The following TRIM14 variants were observed in gnomAD, a reference collection of about 807,000 sequenced individuals.
TRIM14 encodes tripartite motif-containing protein 14.
Under a neutral mutation model 44.5 loss-of-function variants are expected in TRIM14, and 28 were observed. The ratio of observed to expected loss-of-function variants is 0.63; its 90% confidence interval spans 0.47 to 0.86. The LOEUF (loss-of-function observed/expected upper bound fraction) is 0.86. Ranked by LOEUF, TRIM14 falls within the 40% of genes least tolerant of loss-of-function variation. The probability of loss-of-function intolerance (pLI) is 0.00; values close to 1 mark genes in which losing one functional copy is unlikely to be tolerated. For missense variants in TRIM14, 607 were observed against 611.1 expected, an observed-to-expected ratio of 0.99 and a Z score of 0.07; for synonymous variants, 299 against 269.2, an observed-to-expected ratio of 1.11 and a Z score of -1.08.
At chr9:98,057,001 G>A in the TRIM14 span, 4 of 1,489,830 alleles carry the variant, frequency 2.7e-6, no homozygotes, top group African/African-American at 2.9e-5. Flanking sequence ...GCGGGGCCGC[G>A]GGGAGCCAGG....
At chr9:98,101,845 C>CA (rs1383794521) in intron 2 of TRIM14, among the ~76,000 whole-genome samples, 6 of 151,914 alleles carry the variant, frequency 3.9e-5, no homozygotes, top group African/African-American at 1.5e-4. Context: ...AGCTTCTACA[C>CA]ATAGAGAATA....
chr9:98,039,949 C>A, the TRIM14 span, among the ~76,000 whole-genome samples: 1 of 152,102 alleles, frequency 6.6e-6, no homozygotes, highest in Non-Finnish European at 1.5e-5. Context: ...TGTCTAGCAG[C>A]GGGTAAGGTG....
chr9:98,076,131 C>T (rs1239551848), intron 6 of TRIM14: 1 of 152,174 alleles, frequency 6.6e-6, no homozygotes, highest in East Asian at 1.9e-4. Flanking sequence ...TGGGCCCTGC[C>T]AGCCATGGAT....
At chr9:98,048,920 C>A in the TRIM14 span, among the ~76,000 whole-genome samples, 5 of 150,852 alleles carry the variant, frequency 3.3e-5, no homozygotes, top group Non-Finnish European at 5.9e-5. Flanking sequence ...ACCTGGGAGG[C>A]GAGACAGGAG....
the TRIM14 span, among the ~76,000 whole-genome samples, chr9:98,046,743 T>C: frequency 6.6e-6 from 1 of 152,296 alleles, no homozygotes; most frequent in South Asian, 2.1e-4. Flanking sequence ...CCAGCTGATA[T>C]GCAGAAGAGT....
chr9:98,108,879 C>CTT (rs5899334), intron 2 of TRIM14, among the ~76,000 whole-genome samples: 10,332 of 120,156 alleles, frequency 0.086, 1,555 homozygotes, highest in African/African-American at 0.3. Flanking sequence ...TCAGGGGTTC[C>CTT]TTTTTTTTTT....
chr9:98,057,652 A>G, the TRIM14 span, among the ~76,000 whole-genome samples: 1 of 152,054 alleles, frequency 6.6e-6, no homozygotes, highest in Non-Finnish European at 1.5e-5. Flanking sequence ...GAGTCGGTAA[A>G]TGCGTGCTCC....
At chr9:98,074,009 C>T (rs1188779721) in intron 6 of TRIM14, among the ~76,000 whole-genome samples, 1 of 151,724 alleles carries the variant, frequency 6.6e-6, no homozygotes, top group Non-Finnish European at 1.5e-5. Flanking sequence ...TGGTGTCAAA[C>T]TCCTGGGCTA....
At chr9:98,084,210 C>G (rs1336124999), downstream of TRIM14, 1 of 152,064 alleles carries the variant, frequency 6.6e-6, no homozygotes, top group African/African-American at 2.4e-5. Flanking sequence ...TGTGTGCCTA[C>G]TATGTGTCAG....
chr9:98,078,377 G>A, intron 6 of TRIM14: 2 of 1,606,178 alleles, frequency 1.2e-6, no homozygotes, highest in Non-Finnish European at 1.7e-6. Flanking sequence ...TTCCCTTCTT[G>A]GGCCATTTAC....
rs1222777758 is a variant in TRIM14 at position 98,086,781 on chromosome 9, T to C, written c.*689A>G. ...TGAGGATAAGTAATTTTGGGCAGACTAGACAAGCCTTGAATGCTAAGGTGA... is the reference window on the plus strand; with the variant it reads ...TGAGGATAAGTAATTTTGGGCAGACCAGACAAGCCTTGAATGCTAAGGTGA... On this transcript the variant is annotated 3_prime_UTR_variant, in exon 6 of 6. Transcript: ENST00000341469. 6.5e-6 allele frequency: 1 copy of C among 152,938 alleles called. No individual in the cohort carries two copies. Among genetic ancestry groups the C allele is most frequent in the Non-Finnish European group, 1.5e-5 (1 of 68,700 alleles). 9.5% of individuals were successfully genotyped at this position (152,938 alleles called of 1,614,324 possible).
At position 98,087,350 on chromosome 9, in the gene TRIM14, G is replaced by A. The variant is rs1221975307; in HGVS notation, c.*120C>T. On this transcript the variant is annotated 3_prime_UTR_variant, in exon 6 of 6. Transcript: ENST00000341469. Reference sequence around the variant, plus strand: ...TAGGCGTGATTGGTCGGGGAAAGCTGGGGCAGGGAGAGGGCCCTAAGAAGC... The same window carrying A: ...TAGGCGTGATTGGTCGGGGAAAGCTAGGGCAGGGAGAGGGCCCTAAGAAGC... 12 of 1,450,204 alleles carry A rather than the reference G, an allele frequency of 8.3e-6. No individual in the cohort carries two copies. Among genetic ancestry groups the A allele is most frequent in the Non-Finnish European group, 1.2e-5 (12 of 1,031,392 alleles). The allele number at this position is 1,450,204 out of a possible 1,614,324, so 89.8% of individuals were successfully genotyped here.
chr9:98,043,454 A>G, the TRIM14 span, among the ~76,000 whole-genome samples: 1 of 152,214 alleles, frequency 6.6e-6, no homozygotes, highest in Non-Finnish European at 1.5e-5. Context: ...GGCATGGGCC[A>G]CCATGCCTGG....
chr9:98,068,781 A>C (rs1372794316), downstream of TRIM14, among the ~76,000 whole-genome samples: 1 of 151,744 alleles, frequency 6.6e-6, no homozygotes, highest in African/African-American at 2.4e-5. Flanking sequence ...TGATTGCACC[A>C]GTGAACTCCA....
rs1022643781 is a variant in TRIM14, at chr9:98,086,908, T to G, written c.*562A>C. 6.3e-6 allele frequency: 1 copy of G among 158,482 alleles called. No individual in the cohort carries two copies. Among genetic ancestry groups the G allele is most frequent in the Non-Finnish European group, 1.4e-5 (1 of 72,308 alleles). 9.8% of individuals were successfully genotyped at this position (158,482 alleles called of 1,614,324 possible). On this transcript the variant is annotated 3_prime_UTR_variant, in exon 6 of 6. Transcript: ENST00000341469. The stretch of plus-strand genomic sequence containing the variant: ...TAGGAAGATCACTCTAGTTTTAGGG[T>G]GGAAGATGAGGACTGGGAGAGGGTT...
intron 1 of TRIM14, among the ~76,000 whole-genome samples, chr9:98,116,611 A>G (rs1359908526): frequency 2.0e-5 from 3 of 151,972 alleles, no homozygotes; most frequent in Admixed American, 2.0e-4. Context: ...CTGAGGCAAG[A>G]GGATCACTTG....
chr9:98,046,435 T>C, the TRIM14 span, among the ~76,000 whole-genome samples: 1 of 151,606 alleles, frequency 6.6e-6, no homozygotes, highest in Non-Finnish European at 1.5e-5. Flanking sequence ...AGAAGAGTTT[T>C]TTTGTTTTTT....
the TRIM14 span, among the ~76,000 whole-genome samples, chr9:98,048,630 T>C: frequency 1.3e-5 from 2 of 152,220 alleles, no homozygotes; most frequent in Non-Finnish European, 2.9e-5. Flanking sequence ...ATTGGTAAAA[T>C]AAAGATATTT....
chr9:98,102,024 A>AT (rs1455151474), intron 2 of TRIM14, among the ~76,000 whole-genome samples: 2 of 151,434 alleles, frequency 1.3e-5, no homozygotes, highest in African/African-American at 4.9e-5. Flanking sequence ...AAAAAAAAAA[A>AT]AGAAAAGAAA....
Sources: allele counts gnomAD v4.1 joint callset (sites outside exome capture counted in the v4.1 genomes callset), GRCh38; gene constraint gnomAD v4.1.1; transcripts MANE v1.5; gene names NCBI Gene and HGNC (gene_info 2026-07-23, HGNC 2026-07-21).